Variants in C10orf90 observed in about 807,000 individuals in gnomAD.
C10orf90 encodes chromosome 10 open reading frame 90, also known as (E2-independent) E3 ubiquitin-conjugating enzyme FATS.
C10orf90 carries 56 observed loss-of-function variants against 62.5 expected under a neutral mutation model. The ratio of observed to expected loss-of-function variants is 0.90; its 90% CI spans 0.72 to 1.12. The LOEUF is 1.12. Among genes scored for constraint, C10orf90 ranks in the 50% most tolerant of loss-of-function variants. The pLI is 0.00. For missense variants in C10orf90, 970 were observed against 880.4 expected (o/e 1.10, Z -1.29); for synonymous variants, 386 against 340.4 (o/e 1.13, Z -1.47).
At chr10:126,475,164 A>T (rs1352821839) in intron 4 of C10orf90, among the ~76,000 whole-genome samples, 3 of 152,210 alleles carry the variant, frequency 2.0e-5, no homozygotes, top group Admixed American at 2.0e-4. Flanking sequence ...TGAGCTAATG[A>T]GCCTGGTCAA....
At chr10:126,643,167 A>C (rs74158862) in intron 2 of C10orf90, among the ~76,000 whole-genome samples, 3,759 of 152,334 alleles carry the variant, frequency 0.025, 186 homozygotes, top group African/African-American at 0.087. Flanking sequence ...CAGATTAAAA[A>C]TAGGTGAGAA....
intron 2 of C10orf90, among the ~76,000 whole-genome samples, chr10:126,625,643 T>A (rs1845727832): frequency 6.6e-6 from 1 of 152,220 alleles, no homozygotes; most frequent in Admixed American, 6.5e-5. Flanking sequence ...TTTGGATGAC[T>A]CCTTCATTTT....
chr10:126,544,410 G>A (rs887484712), intron 2 of C10orf90, among the ~76,000 whole-genome samples: 14 of 152,182 alleles, frequency 9.2e-5, no homozygotes, highest in Admixed American at 5.9e-4. Flanking sequence ...TCCACCAGGC[G>A]CTCGTGGGCC....
At chr10:126,611,076 A>G (rs1354638640) in intron 2 of C10orf90, among the ~76,000 whole-genome samples, 1 of 152,156 alleles carries the variant, frequency 6.6e-6, no homozygotes, top group Non-Finnish European at 1.5e-5. Context: ...AACCATCACT[A>G]CTACCTAGTT....
At chr10:126,578,693 C>G (rs559443885) in intron 2 of C10orf90, among the ~76,000 whole-genome samples, 1 of 152,344 alleles carries the variant, frequency 6.6e-6, no homozygotes. Context: ...TAGCCCCAAA[C>G]TAGAAATTAT....
At position 126,521,841 on chromosome 10, in the gene C10orf90, A is replaced by G. The variant is rs533974863; in HGVS notation, c.314-7902T>C. Reference sequence around the variant, plus strand: ...ACTAAATTATAATGAGCATTGTTTTATAATTTATACCCAACCAAATTTGAG... The same window carrying G: ...ACTAAATTATAATGAGCATTGTTTTGTAATTTATACCCAACCAAATTTGAG... On this transcript the variant is annotated intron_variant, in intron 2 of 9. Coordinates refer to ENST00000488181, the MANE Select transcript of C10orf90 (RefSeq NM_001350921.2). Among the ~76,000 whole-genome samples, 44 of 152,346 alleles carry G rather than the reference A, an allele frequency of 2.9e-4. 1 individual carries two copies. In the Middle Eastern group the frequency reaches 0.014, roughly 47 times the overall value.
At chr10:126,474,433 C>T (rs959521027) in intron 4 of C10orf90, among the ~76,000 whole-genome samples, 28 of 152,212 alleles carry the variant, frequency 1.8e-4, no homozygotes, top group Admixed American at 1.8e-3. Flanking sequence ...TTAAGGACTC[C>T]TACAGTCAGC....
In C10orf90 at chr10:126,640,112, C is replaced by T. The variant is rs189285445; in HGVS notation, c.313+6453G>A. ...CCTCCACAGGAAGCAGGAGTAAATGCGTTTTATTCTCCAGTGATCAGAAAA... is the reference window on the plus strand; with the variant it reads ...CCTCCACAGGAAGCAGGAGTAAATGTGTTTTATTCTCCAGTGATCAGAAAA... On this transcript the variant is annotated intron_variant, in intron 2 of 9. Transcript: ENST00000488181. Among the ~76,000 whole-genome samples the T allele has an allele frequency of 1.9e-4, 29 of 152,304 alleles. No homozygotes were observed. The East Asian group carries it at 3.9e-3, about 20-fold the overall frequency.
intron 4 of C10orf90, among the ~76,000 whole-genome samples, chr10:126,487,130 G>A (rs1205220276): frequency 3.2e-5 from 1 of 31,062 alleles, no homozygotes; most frequent in South Asian, 9.3e-4. Flanking sequence ...GGCAACAACA[G>A]TAAAACTCTG....
chr10:126,660,177 G>A (rs1028182748), intron 1 of C10orf90, among the ~76,000 whole-genome samples: 2 of 152,234 alleles, frequency 1.3e-5, no homozygotes, highest in African/African-American at 4.8e-5. Context: ...CCCTGTCTTT[G>A]ATGGTGAAAA....
intron 4 of C10orf90, among the ~76,000 whole-genome samples, chr10:126,468,154 C>T (rs372882950): frequency 6.6e-6 from 1 of 151,872 alleles, no homozygotes; most frequent in African/African-American, 2.4e-5. Context: ...CTGCAACCTC[C>T]GCCTTCCGGG....
chr10:126,444,928 C>A (rs892306422), intron 7 of C10orf90, among the ~76,000 whole-genome samples: 9 of 152,076 alleles, frequency 5.9e-5, no homozygotes, highest in Non-Finnish European at 1.0e-4. Flanking sequence ...GGAAAGGATG[C>A]CTTTTTCAAC....
chr10:126,469,893 C>A (rs1348076785), intron 4 of C10orf90: 1 of 456,760 alleles, frequency 2.2e-6, no homozygotes, highest in South Asian at 1.5e-5. Context: ...TTTGCTGTCT[C>A]CTTTTGGCAA....
intron 2 of C10orf90, among the ~76,000 whole-genome samples, chr10:126,561,138 CA>C (rs1315076432): frequency 1.3e-5 from 2 of 152,186 alleles, no homozygotes; most frequent in African/African-American, 2.4e-5. Flanking sequence ...ACAAACAATT[CA>C]GTCACCATGT....
At chr10:126,627,557 GA>G (rs964342044) in intron 2 of C10orf90, among the ~76,000 whole-genome samples, 8 of 146,160 alleles carry the variant, frequency 5.5e-5, no homozygotes, top group South Asian at 2.2e-4. Flanking sequence ...AGGTTAAAAG[GA>G]AAAAAAAAAG....
intron 2 of C10orf90, among the ~76,000 whole-genome samples, chr10:126,603,699 T>C (rs73386854): frequency 0.069 from 10,513 of 152,142 alleles, 1,140 homozygotes; most frequent in African/African-American, 0.23. Flanking sequence ...TGATAATTCA[T>C]ATAAGGTGCT....
intron 4 of C10orf90, among the ~76,000 whole-genome samples, chr10:126,488,075 T>G (rs903745337): frequency 6.6e-6 from 1 of 151,912 alleles, no homozygotes; most frequent in Non-Finnish European, 1.5e-5. Context: ...AAAAATTAAT[T>G]CGATACAAGG....
chr10:126,505,049 A>G lies in C10orf90; in HGVS notation c.442T>C (p.Ser148Pro). ...LASQNTKMIS[S>P]IVISQMIDEN... is the part of the protein sequence containing the mutation. The stretch of plus-strand genomic sequence containing the variant: ...TCAATCATCTGGGAGATGACTATGG[A>G]TGAAATCATTTTTGTGTTTTGTGAT... The change falls in exon 4 of 10, where the codon TCC becomes CCC. Residue 148 changes from serine to proline, a missense_variant. Physicochemically the swap from Ser to Pro is moderately conservative, Grantham distance 74. Transcript: ENST00000488181. 6.2e-7 allele frequency: 1 copy of G among 1,611,200 alleles called. No individual in the cohort carries two copies. The highest frequency in any genetic ancestry group is 8.5e-7 in the Non-Finnish European group (1 of 1,178,688).
chr10:126,454,122 C>A (rs189244510), intron 7 of C10orf90, among the ~76,000 whole-genome samples: 1 of 152,158 alleles, frequency 6.6e-6, no homozygotes, highest in Non-Finnish European at 1.5e-5. Flanking sequence ...ACTGACTGAG[C>A]ACCTGCAATC....
Sources: gnomAD v4.1 joint callset for allele counts (sites outside exome capture counted in the v4.1 genomes callset) on GRCh38, gnomAD v4.1.1 for gene constraint, MANE v1.5 for transcripts, NCBI Gene and HGNC (gene_info 2026-07-23, HGNC 2026-07-21) for gene names.